Variants in TMBIM6 observed in about 807,000 individuals in gnomAD.
TMBIM6 encodes transmembrane BAX inhibitor motif containing 6.
A neutral mutation model predicts 31.4 loss-of-function variants in TMBIM6; 13 were observed. The ratio of observed to expected loss-of-function variants is 0.41; its 90% CI spans 0.27 to 0.66. TMBIM6 has a LOEUF of 0.66. Ranked by LOEUF, TMBIM6 falls within the 30% of genes least tolerant of loss-of-function variation. The probability of loss-of-function intolerance (pLI) is 0.28; values close to 1 mark genes in which losing one functional copy is unlikely to be tolerated. For missense variants in TMBIM6, 275 were observed against 289.5 expected (o/e 0.95, Z 0.36); for synonymous variants, 85 against 101.7 (o/e 0.84, Z 0.99).
chr12:49,754,183 T>C (rs1052223881), intron 3 of TMBIM6, among the ~76,000 whole-genome samples: 5 of 152,148 alleles, frequency 3.3e-5, no homozygotes, highest in Admixed American at 2.0e-4. Flanking sequence ...GTGGAGGTCT[T>C]GTGGTGTCGT....
intron 1 of TMBIM6, chr12:49,742,159 G>C: frequency 6.2e-7 from 1 of 1,612,770 alleles, no homozygotes; most frequent in Non-Finnish European, 8.5e-7. Flanking sequence ...TCTGTGACAC[G>C]CGAGGCTCCT....
chr12:49,749,970 A>G (rs1220058027), intron 1 of TMBIM6: 1 of 152,116 alleles, frequency 6.6e-6, no homozygotes, highest in Non-Finnish European at 1.5e-5. Context: ...TTTGTTTTAA[A>G]TTTTGAAATA....
At chr12:49,742,079 C>T in intron 1 of TMBIM6, 1 of 1,577,574 alleles carries the variant, frequency 6.3e-7, no homozygotes. Context: ...TTTGGTCGGG[C>T]TGACCCTGGG....
intron 1 of TMBIM6, 132 bp from the exon 2 acceptor site, chr12:49,752,332 G>C: frequency 1.9e-6 from 1 of 533,668 alleles, no homozygotes; most frequent in East Asian, 3.2e-5. Flanking sequence ...AATAAAAATG[G>C]TTGTGTTAGG....
intron 8 of TMBIM6, among the ~76,000 whole-genome samples, chr12:49,759,996 C>T (rs1945682938): frequency 1.3e-5 from 2 of 150,700 alleles, no homozygotes; most frequent in Non-Finnish European, 1.5e-5. Flanking sequence ...CCTGTAGTCC[C>T]AGCTACTCAG....
In TMBIM6 at chr12:49,749,441, G is replaced by GTTTTTTTTTTTT. The variant is rs61667487; in HGVS notation, c.-30-3014_-30-3013insTTTTTTTTTTTT. ...CCTTTTCTTTTTGTAAGTCATTTTT[G>GTTTTTTTTTTTT]TTTTTTTTTGAAACGGAGTCTCGCT... On this transcript the variant is annotated intron_variant, in intron 1 of 9. Coordinates refer to ENST00000267115, the MANE Select transcript of TMBIM6 (RefSeq NM_003217.3). Among the ~76,000 whole-genome samples the GTTTTTTTTTTTT allele has an allele frequency of 7.0e-3, 1,018 of 146,024 alleles. 37 individuals are homozygous for GTTTTTTTTTTTT. Among genetic ancestry groups the GTTTTTTTTTTTT allele is most frequent in the African/African-American group, 0.024 (890 of 37,734 alleles).
chr12:49,755,407 A>G (rs1945570431), intron 3 of TMBIM6, among the ~76,000 whole-genome samples: 1 of 152,168 alleles, frequency 6.6e-6, no homozygotes, highest in African/African-American at 2.4e-5. Flanking sequence ...AGGACTACGC[A>G]AGCCAGAAGA....
intron 9 of TMBIM6, among the ~76,000 whole-genome samples, chr12:49,762,407 TTGAA>T (rs1348330950): frequency 3.3e-5 from 5 of 152,260 alleles, no homozygotes; most frequent in African/African-American, 7.2e-5. Flanking sequence ...CCATCCAAGA[TTGAA>T]TGAAGAATTC....
chr12:49,745,397 T>C (rs78599084), intron 1 of TMBIM6, among the ~76,000 whole-genome samples: 4,553 of 152,232 alleles, frequency 0.03, 99 homozygotes, highest in Middle Eastern at 0.078. Context: ...TTTTTTACTT[T>C]ATAATGATGC....
chr12:49,758,147 T>A, intron 4 of TMBIM6, 80 bp from the exon 5 acceptor site: 2 of 1,500,116 alleles, frequency 1.3e-6, no homozygotes, highest in Non-Finnish European at 1.9e-6. Flanking sequence ...AGTATGCCTA[T>A]ATTTCGGGAT....
At chr12:49,750,337 T>C (rs1945472666) in intron 1 of TMBIM6, among the ~76,000 whole-genome samples, 1 of 152,216 alleles carries the variant, frequency 6.6e-6, no homozygotes, top group Non-Finnish European at 1.5e-5. Context: ...ATTCTTGTAA[T>C]TGGAAGCAAG....
intron 3 of TMBIM6, 119 bp from the exon 4 acceptor site, chr12:49,755,516 C>T: frequency 1.5e-6 from 2 of 1,309,890 alleles, no homozygotes; most frequent in Non-Finnish European, 2.1e-6. Context: ...TCTCCTGCCT[C>T]CAGGTTATAA....
At chr12:49,753,223 G>A (rs1945528922) in intron 3 of TMBIM6, 142 bp downstream of exon 3, 1 of 621,846 alleles carries the variant, frequency 1.6e-6, no homozygotes, top group East Asian at 3.0e-5. Context: ...ATTAAATCAG[G>A]ACATGTAAAG....
intron 4 of TMBIM6, among the ~76,000 whole-genome samples, 179 bp from the exon 5 acceptor site, chr12:49,758,045 AAAC>A (rs1001689451): frequency 3.3e-5 from 5 of 152,206 alleles, no homozygotes; most frequent in Admixed American, 6.5e-5. Flanking sequence ...AAAAAAAAAA[AAAC>A]AACGCAGTCA....
At chr12:49,746,360 A>G (rs1565916665) in intron 1 of TMBIM6, among the ~76,000 whole-genome samples, 1 of 152,196 alleles carries the variant, frequency 6.6e-6, no homozygotes, top group Non-Finnish European at 1.5e-5. Context: ...CTGGGATTAC[A>G]GGCTAAAACT....
chr12:49,741,951 G>GT (rs1307617206), intron 1 of TMBIM6: 2 of 849,356 alleles, frequency 2.4e-6, no homozygotes, highest in Non-Finnish European at 1.8e-6. Flanking sequence ...CCTCTACTAA[G>GT]TGTAGACGCA....
chr12:49,758,182 C>G (rs1456724721), intron 4 of TMBIM6, 45 bp from the exon 5 acceptor site: 6 of 1,611,100 alleles, frequency 3.7e-6, no homozygotes, highest in Middle Eastern at 1.7e-4. Context: ...GGATCCTATT[C>G]AAGAATTGAT....
intron 8 of TMBIM6, 72 bp downstream of exon 8, chr12:49,759,393 G>C: frequency 7.4e-7 from 1 of 1,357,654 alleles, no homozygotes; most frequent in Non-Finnish European, 1.1e-6. Flanking sequence ...ACTTAGGTTG[G>C]CATTGGCTGA....
At chr12:49,742,113 G>C (rs992275923) in intron 1 of TMBIM6, 5 of 1,605,778 alleles carry the variant, frequency 3.1e-6, no homozygotes, top group Middle Eastern at 3.6e-4. Flanking sequence ...GCCAAGACTC[G>C]AGGTAGGGCC....
Sources: allele counts gnomAD v4.1 joint callset (sites outside exome capture counted in the v4.1 genomes callset), GRCh38; gene constraint gnomAD v4.1.1; transcripts MANE v1.5; gene names NCBI Gene and HGNC (gene_info 2026-07-23, HGNC 2026-07-21).